The following SOX5 variants were observed in gnomAD, a reference collection of about 807,000 sequenced individuals.
SOX5 encodes the protein transcription factor SOX-5.
SOX5 carries 9 observed loss-of-function variants against 92.0 expected under a neutral mutation model. The observed-to-expected ratio is 0.10, with a 90% CI of 0.06 to 0.17. The LOEUF is 0.17. Ranked by LOEUF, SOX5 falls within the 10% of genes least tolerant of loss-of-function variation. The probability of loss-of-function intolerance (pLI) is 1.00; values close to 1 mark genes in which losing one functional copy is unlikely to be tolerated. For missense variants in SOX5, 642 were observed against 944.5 expected, an observed-to-expected ratio of 0.68 and a Z score of 4.20; for synonymous variants, 344 against 336.3, an observed-to-expected ratio of 1.02 and a Z score of -0.25.
chr12:23,884,680 C>T (rs1428788017), intron 2 of SOX5, among the ~76,000 whole-genome samples: 2 of 152,092 alleles, frequency 1.3e-5, no homozygotes, highest in African/African-American at 4.8e-5. Context: ...TTATTAAGTG[C>T]TTGGGTTCTA....
intron 2 of SOX5, among the ~76,000 whole-genome samples, chr12:23,891,642 G>C (rs376165976): frequency 6.6e-6 from 1 of 151,718 alleles, no homozygotes; most frequent in Non-Finnish European, 1.5e-5. Flanking sequence ...ATGATATAAA[G>C]ACTATGAAGC....
intron 9 of SOX5, among the ~76,000 whole-genome samples, chr12:23,589,147 T>TC (rs1431508501): frequency 6.6e-6 from 1 of 151,996 alleles, no homozygotes; most frequent in Non-Finnish European, 1.5e-5. Context: ...AACGACTATG[T>TC]CTTTGTATGG....
intron 4 of SOX5, among the ~76,000 whole-genome samples, chr12:24,022,388 G>A (rs1056782127): frequency 6.6e-6 from 1 of 152,110 alleles, no homozygotes; most frequent in African/African-American, 2.4e-5. Context: ...AGCAGCACAA[G>A]ATCAGTCTAA....
intron 3 of SOX5, among the ~76,000 whole-genome samples, chr12:24,257,428 T>C (rs1237737413): frequency 2.0e-5 from 3 of 152,042 alleles, no homozygotes; most frequent in Non-Finnish European, 2.9e-5. Flanking sequence ...ACAAAAATTT[T>C]AGAAGAACAA....
intron 8 of SOX5, among the ~76,000 whole-genome samples, chr12:23,606,460 A>G (rs936751361): frequency 3.3e-5 from 5 of 151,700 alleles, no homozygotes; most frequent in East Asian, 1.9e-4. Context: ...ATGACATGGA[A>G]CATACAATAT....
At chr12:23,765,320 C>G (rs1328050250) in intron 3 of SOX5, among the ~76,000 whole-genome samples, 1 of 119,542 alleles carries the variant, frequency 8.4e-6, no homozygotes, top group Non-Finnish European at 1.6e-5. Context: ...ACGATCTAAT[C>G]AACAAGGAAA....
chr12:24,255,272 T>C (rs1162906573), intron 3 of SOX5, among the ~76,000 whole-genome samples: 1 of 152,192 alleles, frequency 6.6e-6, no homozygotes, highest in Non-Finnish European at 1.5e-5. Flanking sequence ...AAGAAGCAAT[T>C]GTTGCCCCTA....
At chr12:23,578,144 A>AC (rs1565984053) in intron 9 of SOX5, among the ~76,000 whole-genome samples, 1 of 134,908 alleles carries the variant, frequency 7.4e-6, no homozygotes, top group African/African-American at 2.6e-5. Context: ...AAAAAAAAAA[A>AC]AAAAAACTAT....
chr12:24,389,709 C>G (rs1420410714), intron 1 of SOX5, among the ~76,000 whole-genome samples: 1 of 152,274 alleles, frequency 6.6e-6, no homozygotes, highest in East Asian at 1.9e-4. Flanking sequence ...TGTGTGAACA[C>G]ATGTTTTCAT....
intron 4 of SOX5, among the ~76,000 whole-genome samples, chr12:24,099,009 G>A (rs1945759205): frequency 6.6e-6 from 1 of 152,090 alleles, no homozygotes; most frequent in Non-Finnish European, 1.5e-5. Flanking sequence ...CTAAGGCTCT[G>A]AGAACTTCTA....
In SOX5 at chr12:24,560,887, C is replaced by A. The variant is rs576914397; in HGVS notation, c.-251+1442G>T. Among the ~76,000 whole-genome samples the A allele has an allele frequency of 2.0e-5, 3 of 152,306 alleles. No individual in the cohort carries two copies. In the South Asian group the frequency reaches 6.2e-4, roughly 32 times the overall value. On this transcript the variant is annotated intron_variant, in intron 1 of 4. Coordinates refer to the SOX5 transcript ENST00000446891. ...CTACAAATCTCACATGTGCCTACTTCATTGGCCTGTTTGTGTCTGTGTGTG... is the reference window on the plus strand; with the variant it reads ...CTACAAATCTCACATGTGCCTACTTAATTGGCCTGTTTGTGTCTGTGTGTG...
chr12:24,374,538 T>C (rs552695608), intron 1 of SOX5, among the ~76,000 whole-genome samples: 4 of 145,266 alleles, frequency 2.8e-5, no homozygotes, highest in South Asian at 2.2e-4. Flanking sequence ...CACACACACA[T>C]GCATGCACAA....
chr12:23,983,564 G>A (rs1454762934), intron 4 of SOX5, among the ~76,000 whole-genome samples: 5 of 152,144 alleles, frequency 3.3e-5, no homozygotes, highest in African/African-American at 1.2e-4. Context: ...TCCTTCCTAT[G>A]TTGACAATGT....
intron 7 of SOX5, among the ~76,000 whole-genome samples, chr12:23,660,852 G>A (rs2082944292): frequency 6.6e-6 from 1 of 152,188 alleles, no homozygotes; most frequent in South Asian, 2.1e-4. Context: ...ATTTTATTTA[G>A]TAAAGTCCAA....
At chr12:24,066,621 C>T (rs1000188998) in intron 4 of SOX5, among the ~76,000 whole-genome samples, 3 of 151,772 alleles carry the variant, frequency 2.0e-5, no homozygotes, top group South Asian at 2.1e-4. Context: ...ATCTGAAGAG[C>T]AGAGTAGAAA....
intron 3 of SOX5, among the ~76,000 whole-genome samples, chr12:23,818,055 A>C (rs2096030970): frequency 6.6e-6 from 1 of 152,226 alleles, no homozygotes; most frequent in South Asian, 2.1e-4. Context: ...TTAAAACACG[A>C]ATCATAAGGT....
chr12:23,807,788 C>T (rs1165013079), intron 3 of SOX5, among the ~76,000 whole-genome samples: 4 of 151,916 alleles, frequency 2.6e-5, no homozygotes, highest in Non-Finnish European at 4.4e-5. Context: ...GCTGGGATTA[C>T]AGGTGCCCAC....
chr12:23,992,729 A>G (rs1950679405), intron 4 of SOX5, among the ~76,000 whole-genome samples: 1 of 152,142 alleles, frequency 6.6e-6, no homozygotes, highest in Admixed American at 6.6e-5. Context: ...TCCATTTTTT[A>G]TAACACAGTA....
chr12:24,210,941 A>G (rs1319836533), intron 4 of SOX5, among the ~76,000 whole-genome samples: 1 of 152,212 alleles, frequency 6.6e-6, no homozygotes, highest in Non-Finnish European at 1.5e-5. Context: ...TATGAACCAT[A>G]ACATGCTCCT....
Sources: gnomAD v4.1 joint callset for allele counts (sites outside exome capture counted in the v4.1 genomes callset) on GRCh38, gnomAD v4.1.1 for gene constraint, MANE v1.5 for transcripts, NCBI Gene and HGNC (gene_info 2026-07-23, HGNC 2026-07-21) for gene names.